EPHA6: variants seen among roughly 807,000 people sequenced by gnomAD.
The protein encoded by EPHA6 is EPH receptor A6, also known as ephrin type-A receptor 6.
A neutral mutation model predicts 112.0 loss-of-function variants in EPHA6; 50 were observed. The observed-to-expected ratio is 0.45, with a 90% CI of 0.36 to 0.56. The LOEUF is 0.56. Ranked by LOEUF, EPHA6 falls within the 20% of genes least tolerant of loss-of-function variation. The pLI is 0.00. For synonymous variants in EPHA6, 529 were observed against 490.7 expected, an observed-to-expected ratio of 1.08 and a Z score of -1.03; for missense variants, 1,280 against 1,417.4, an observed-to-expected ratio of 0.90 and a Z score of 1.56.
intron 3 of EPHA6, among the ~76,000 whole-genome samples, chr3:97,094,994 C>G (rs1189635722): frequency 6.6e-6 from 1 of 151,086 alleles, no homozygotes; most frequent in Non-Finnish European, 1.5e-5. Context: ...GTTTTCTTAT[C>G]TTTAAGATGG....
chr3:97,728,787 C>A (rs1337503446), intron 15 of EPHA6, among the ~76,000 whole-genome samples: 3 of 152,164 alleles, frequency 2.0e-5, no homozygotes, highest in Non-Finnish European at 4.4e-5. Context: ...AACTCCTTCT[C>A]TAATGTTGTT....
At chr3:97,292,210 G>T (rs916615001) in intron 5 of EPHA6, among the ~76,000 whole-genome samples, 1 of 152,242 alleles carries the variant, frequency 6.6e-6, no homozygotes, top group Admixed American at 6.5e-5. Flanking sequence ...GCCAGGAACC[G>T]CAGAGCCCCA....
In EPHA6 at chr3:97,748,750, C is replaced by T. The variant is rs754061773; in HGVS notation, c.*49C>T. The T allele has an allele frequency of 2.8e-5, 26 of 944,002 alleles. No individual in the cohort carries two copies. The highest frequency in any genetic ancestry group is 9.3e-5 in the Admixed American group (5 of 53,850). The allele number at this position is 944,002 out of a possible 1,614,324, so 58.5% of individuals were successfully genotyped here. ...TGTGCCTCAGCATTTCTAAAATGAA[C>T]GATATCCTCTCTACTACTCTCTCTT... On this transcript the variant is annotated 3_prime_UTR_variant, in exon 18 of 18. Transcript: ENST00000389672.
At chr3:96,833,149 A>G (rs919298010) in intron 1 of EPHA6, among the ~76,000 whole-genome samples, 1 of 149,828 alleles carries the variant, frequency 6.7e-6, no homozygotes, top group Non-Finnish European at 1.5e-5. Flanking sequence ...GCAGATGTAC[A>G]TGGTTAAGAT....
At chr3:97,638,574 T>C (rs770147982) in intron 14 of EPHA6, among the ~76,000 whole-genome samples, 5 of 152,162 alleles carry the variant, frequency 3.3e-5, no homozygotes, top group African/African-American at 4.8e-5. Context: ...CTAAACCTTT[T>C]CCTAAATGAT....
At chr3:96,835,212 A>G (rs909589020) in intron 1 of EPHA6, among the ~76,000 whole-genome samples, 13 of 152,098 alleles carry the variant, frequency 8.5e-5, no homozygotes, top group African/African-American at 3.1e-4. Context: ...TACAAATATG[A>G]GTAAATTTAG....
intron 5 of EPHA6, among the ~76,000 whole-genome samples, chr3:97,394,765 A>G (rs2086606004): frequency 6.6e-6 from 1 of 151,780 alleles, no homozygotes; most frequent in African/African-American, 2.4e-5. Flanking sequence ...GATGAAAAAG[A>G]CAAAAAGTGA....
rs1392738839 is a variant in EPHA6, at chr3:97,470,839, T to C, written c.1895-4513T>C. Reference sequence around the variant, plus strand: ...GAAATATATCATTTTAATATTTTTATCTTTGTCCAAGAATACAAGCTAACA... The same window carrying C: ...GAAATATATCATTTTAATATTTTTACCTTTGTCCAAGAATACAAGCTAACA... On this transcript the variant is annotated intron_variant, in intron 7 of 17. Coordinates refer to ENST00000389672, the MANE Select transcript of EPHA6 (RefSeq NM_001080448.3). Among the ~76,000 whole-genome samples the C allele has an allele frequency of 3.3e-5, 5 of 151,842 alleles. No individual in the cohort carries two copies. In the East Asian group the frequency reaches 9.7e-4, roughly 29 times the overall value.
chr3:97,130,855 A>G (rs2048318370), intron 3 of EPHA6, among the ~76,000 whole-genome samples: 1 of 152,164 alleles, frequency 6.6e-6, no homozygotes, highest in Admixed American at 6.5e-5. Flanking sequence ...CACCCTTATT[A>G]TAAACAAACC....
chr3:97,108,657 G>A (rs1372981784), intron 3 of EPHA6, among the ~76,000 whole-genome samples: 1 of 152,054 alleles, frequency 6.6e-6, no homozygotes, highest in Non-Finnish European at 1.5e-5. Flanking sequence ...GAAGATACAG[G>A]CAGAAAATTC....
At chr3:97,420,232 C>T (rs1022476737) in intron 6 of EPHA6, among the ~76,000 whole-genome samples, 1 of 151,528 alleles carries the variant, frequency 6.6e-6, no homozygotes, top group Non-Finnish European at 1.5e-5. Flanking sequence ...TAATGTCACT[C>T]GTTCTCTGTG....
chr3:97,124,980 C>A (rs962773608), intron 3 of EPHA6, among the ~76,000 whole-genome samples: 2 of 151,250 alleles, frequency 1.3e-5, no homozygotes, highest in African/African-American at 2.5e-5. Context: ...TAAGGCCTCA[C>A]AAATTTTAAT....
intron 2 of EPHA6, 30 bp downstream of exon 2, chr3:96,866,919 CT>C: frequency 3.0e-6 from 4 of 1,324,826 alleles, no homozygotes; most frequent in East Asian, 2.9e-5. Flanking sequence ...AAATTGCTGT[CT>C]TTTTTAGATT....
At chr3:97,669,579 T>C (rs912654797) in intron 14 of EPHA6, among the ~76,000 whole-genome samples, 1 of 149,160 alleles carries the variant, frequency 6.7e-6, no homozygotes, top group African/African-American at 2.5e-5. Context: ...CTGGGCAACA[T>C]AGTGATATCC....
chr3:97,259,665 G>A (rs2108616188), intron 5 of EPHA6, among the ~76,000 whole-genome samples: 1 of 152,282 alleles, frequency 6.6e-6, no homozygotes, highest in African/African-American at 2.4e-5. Context: ...TAATGCATGA[G>A]TACTCTGTGC....
intron 11 of EPHA6, chr3:97,559,452 A>G (rs980917126): frequency 1.3e-5 from 4 of 307,784 alleles, no homozygotes; most frequent in South Asian, 1.1e-4. Context: ...GTTGGGAGCC[A>G]CTCTTCTAGA....
intron 14 of EPHA6, among the ~76,000 whole-genome samples, chr3:97,692,982 G>C (rs957977870): frequency 1.3e-5 from 2 of 152,186 alleles, no homozygotes; most frequent in African/African-American, 4.8e-5. Flanking sequence ...CTTAGGGTCA[G>C]CTGTAATGTT....
intron 12 of EPHA6, among the ~76,000 whole-genome samples, chr3:97,593,796 C>A (rs1427477224): frequency 6.6e-6 from 1 of 152,188 alleles, no homozygotes; most frequent in Non-Finnish European, 1.5e-5. Context: ...AGTCATTTAG[C>A]TTCATCACTG....
intron 11 of EPHA6, among the ~76,000 whole-genome samples, chr3:97,561,118 C>T (rs1577782870): frequency 6.6e-6 from 1 of 152,046 alleles, no homozygotes; most frequent in Non-Finnish European, 1.5e-5. Context: ...TCAGGTCTCA[C>T]TATTCCCTAA....
Sources: allele counts gnomAD v4.1 joint callset (sites outside exome capture counted in the v4.1 genomes callset), GRCh38; gene constraint gnomAD v4.1.1; transcripts MANE v1.5; gene names NCBI Gene and HGNC (gene_info 2026-07-23, HGNC 2026-07-21).